Variants in HMX3 observed in about 807,000 individuals in gnomAD.
HMX3 encodes homeobox protein HMX3.
Under a neutral mutation model 22.8 loss-of-function variants are expected in HMX3, and 8 were observed. That is an observed-to-expected ratio of 0.35 (90% CI 0.21 to 0.63). The LOEUF (loss-of-function observed/expected upper bound fraction) is 0.63. HMX3 is among the 30% of genes least tolerant of loss of function. The probability of loss-of-function intolerance (pLI) is 0.72; values close to 1 mark genes in which losing one functional copy is unlikely to be tolerated. For missense variants in HMX3, 527 were observed against 520.6 expected, an observed-to-expected ratio of 1.01 and a Z score of -0.12; for synonymous variants, 331 against 250.9, an observed-to-expected ratio of 1.32 and a Z score of -3.02.
Position 123,138,728 on chromosome 10 carries a change from C to A in HMX3, c.*997C>A, listed in dbSNP as rs1282767993. On this transcript the variant is annotated 3_prime_UTR_variant, in exon 2 of 2. Transcript: ENST00000357878. The stretch of plus-strand genomic sequence containing the variant: ...CTAAAGAGAAAAGACAGCCAAAAAT[C>A]AGAACTCTGACTATTTGAAACAGCT... 6.6e-6 allele frequency among the ~76,000 whole-genome samples: 1 copy of A among 152,152 alleles called. No homozygotes were observed. Among genetic ancestry groups the A allele is most frequent in the Non-Finnish European group, 1.5e-5 (1 of 68,024 alleles).
chr10:123,139,368 T>A lies in HMX3; in HGVS notation c.*1637T>A, dbSNP rs1278837334. 6.6e-6 allele frequency among the ~76,000 whole-genome samples: 1 copy of A among 152,034 alleles called. No homozygotes were observed. Among genetic ancestry groups the A allele is most frequent in the Non-Finnish European group, 1.5e-5 (1 of 67,990 alleles). On this transcript the variant is annotated 3_prime_UTR_variant, in exon 2 of 2. Coordinates refer to ENST00000357878, the MANE Select transcript of HMX3 (RefSeq NM_001105574.2). ...GAGAAAAAAAAAACCCACAAAATATTGTTACACTAATGTTGTCGTGACATT... is the reference window on the plus strand; with the variant it reads ...GAGAAAAAAAAAACCCACAAAATATAGTTACACTAATGTTGTCGTGACATT...
chr10:123,136,203 C>A lies in HMX3; in HGVS notation c.153C>A (p.Pro51=). The A allele has an allele frequency of 7.2e-7, 1 of 1,385,976 alleles. No homozygotes were observed. Among genetic ancestry groups the A allele is most frequent in the East Asian group, 2.9e-5 (1 of 34,674 alleles). The allele number at this position is 1,385,976 out of a possible 1,614,324, so 85.9% of individuals were successfully genotyped here. Residue 51 remains proline (P), a synonymous_variant, in exon 1 of 2, where the codon CCC becomes CCA. Coordinates refer to ENST00000357878, the MANE Select transcript of HMX3 (RefSeq NM_001105574.2). The surrounding 1 kb of genome is among the most constrained non-coding windows in gnomAD (Gnocchi z 4.8). ...GGCCGCCCCCTAAGCCTCAGCCGCC[C>A]CCACGGACGCTCTTCGCGCCAGCCT... ...HHRPPPKPQP[P]PRTLFAPASA...
Position 123,137,646 on chromosome 10 carries a change from T to TCAGC in HMX3, c.995_998dup (p.Leu334AlafsTer108). 1 of 1,513,974 alleles carries TCAGC rather than the reference T, an allele frequency of 6.6e-7. No homozygotes were observed. Among genetic ancestry groups the TCAGC allele is most frequent in the South Asian group, 1.3e-5 (1 of 76,910 alleles). 93.8% of individuals were successfully genotyped at this position (1,513,974 alleles called of 1,614,324 possible). ...GCAGCCGCGGGGGCCCCGGTGCCAG[T>TCAGC]CAGCCAGCCGCTGCTCACCTTCCCG... On this transcript the variant is annotated frameshift_variant, in exon 2 of 2. Transcript: ENST00000357878. LOFTEE classifies it high-confidence loss of function. The surrounding 1 kb of genome is among the most constrained non-coding windows in gnomAD (Gnocchi z 5.8).
chr10:123,137,245 C>CGGGGCGAGCGTA lies in HMX3; in HGVS notation c.595_606dup (p.Ser199_Ala202dup), dbSNP rs1301041414. 2.5e-6 allele frequency: 4 copies of CGGGGCGAGCGTA among 1,592,208 alleles called. No individual in the cohort carries two copies. The highest frequency in any genetic ancestry group is 1.7e-6 in the Non-Finnish European group (2 of 1,169,614). On this transcript the variant is annotated inframe_insertion, in exon 2 of 2. Coordinates refer to ENST00000357878, the MANE Select transcript of HMX3 (RefSeq NM_001105574.2). This position sits in a 1 kb window ranked among gnomAD's most constrained non-coding sequence, Gnocchi z 5.8. ...AAGGCGAAGCGGCGCCAGGCGCGGC[C>CGGGGCGAGCGTA]GGGGCGAGCGTAGGGGCGGCGGCGG...
In HMX3 at chr10:123,137,563, C is replaced by T; in HGVS notation, c.906C>T (p.Arg302=). The change falls in exon 2 of 2, where the codon CGC becomes CGT. Residue 302 remains arginine, a synonymous_variant. Transcript: ENST00000357878. The surrounding 1 kb of genome is among the most constrained non-coding windows in gnomAD (Gnocchi z 5.8). ...AANLSHAAAQ[R]IVRVPILYHE... ...ACCTGAGCCATGCCGCGGCGCAGCG[C>T]ATCGTGCGGGTGCCCATCCTCTACC... 6.2e-7 allele frequency: 1 copy of T among 1,608,624 alleles called. No individual in the cohort carries two copies. The highest frequency in any genetic ancestry group is 8.5e-7 in the Non-Finnish European group (1 of 1,178,938).
At position 123,137,747 on chromosome 10, in the gene HMX3, G is replaced by A. The variant is rs182168184; in HGVS notation, c.*16G>A. ...GCCGGTCTGAGGCCCCAGAGGGGTG[G>A]GGGAGGGAGCGCCCGGCCTCCTTGT... On this transcript the variant is annotated 3_prime_UTR_variant, in exon 2 of 2. Transcript: ENST00000357878. The surrounding 1 kb of genome is among the most constrained non-coding windows in gnomAD (Gnocchi z 5.8). 2.8e-6 allele frequency: 4 copies of A among 1,416,116 alleles called. No homozygotes were observed. The highest frequency in any genetic ancestry group is 2.7e-5 in the East Asian group (1 of 37,264). The allele number at this position is 1,416,116 out of a possible 1,614,324, so 87.7% of individuals were successfully genotyped here.
At position 123,136,995 on chromosome 10, in the gene HMX3, C is replaced by G. The variant is rs999210927; in HGVS notation, c.401-63C>G. 1.3e-6 allele frequency: 2 copies of G among 1,482,284 alleles called. No individual in the cohort carries two copies. The highest frequency in any genetic ancestry group is 5.0e-5 in the Admixed American group (2 of 40,360). 91.8% of individuals were successfully genotyped at this position (1,482,284 alleles called of 1,614,324 possible). A position where few individuals can be genotyped will look rare whatever the true frequency, so the allele number is the denominator to read the frequency against. On this transcript the variant is annotated intron_variant, in intron 1 of 1. Coordinates refer to ENST00000357878, the MANE Select transcript of HMX3 (RefSeq NM_001105574.2). This position sits in a 1 kb window ranked among gnomAD's most constrained non-coding sequence, Gnocchi z 4.8. ...GGGTTGAGCCTGCCGTCCCCAGGCG[C>G]CGGGCCTCGCTCAAGGCTGTGTCGG...
chr10:123,136,523 C>A lies in HMX3; in HGVS notation c.400+73C>A. The A allele has an allele frequency of 1.6e-6, 2 of 1,217,170 alleles. No individual in the cohort carries two copies. Among genetic ancestry groups the A allele is most frequent in the Non-Finnish European group, 1.1e-6 (1 of 941,614 alleles). The allele number at this position is 1,217,170 out of a possible 1,614,324, so 75.4% of individuals were successfully genotyped here. A position where few individuals can be genotyped will look rare whatever the true frequency, so the allele number is the denominator to read the frequency against. The stretch of plus-strand genomic sequence containing the variant: ...CGTCCCCGCCCCGCGCTGCTTCCCT[C>A]CGCAGTTCTGGGACCCCAGCACCCG... On this transcript the variant is annotated intron_variant, in intron 1 of 1. Transcript: ENST00000357878. This position sits in a 1 kb window ranked among gnomAD's most constrained non-coding sequence, Gnocchi z 4.8.
rs1788786784 is a variant in HMX3 at position 123,138,232 on chromosome 10, C to T, written c.*501C>T. Reference sequence around the variant, plus strand: ...TGGCGCGATCTCGGCTCACTTCGACCTCCGCCTCCCGGGTTCAAGTGATTC... The same window carrying T: ...TGGCGCGATCTCGGCTCACTTCGACTTCCGCCTCCCGGGTTCAAGTGATTC... On this transcript the variant is annotated 3_prime_UTR_variant, in exon 2 of 2. Coordinates refer to ENST00000357878, the MANE Select transcript of HMX3 (RefSeq NM_001105574.2). Among the ~76,000 whole-genome samples the T allele has an allele frequency of 6.6e-6, 1 of 150,768 alleles. No individual in the cohort carries two copies.
Position 123,137,190 on chromosome 10 carries a change from A to C in HMX3, c.533A>C (p.Glu178Ala). The change falls in exon 2 of 2, where the codon GAG (glutamate) becomes GCG (alanine). Residue 178 changes from glutamate to alanine, a missense_variant. Physicochemically the swap from Glu to Ala is moderately radical, Grantham distance 107 (BLOSUM62 -1). This residue lies in a region of HMX3 where 386 missense variants were observed against 337.8 expected (regional missense o/e 1.14). Coordinates refer to ENST00000357878, the MANE Select transcript of HMX3 (RefSeq NM_001105574.2). This position sits in a 1 kb window ranked among gnomAD's most constrained non-coding sequence, Gnocchi z 5.8. ...AAGAGCCCGGACGAGATCATTCTGG[A>C]GGAGAGCGACTCCGAGGAAAGCAAA... is the stretch of plus-strand genomic sequence containing the variant. ...DSKSPDEIILEESDSEESKKE... is the reference protein window; with the variant it reads ...DSKSPDEIILAESDSEESKKE... The C allele has an allele frequency of 6.2e-7, 1 of 1,602,324 alleles. No individual in the cohort carries two copies. The highest frequency in any genetic ancestry group is 8.5e-7 in the Non-Finnish European group (1 of 1,174,602).
Position 123,136,107 on chromosome 10 carries a change from G to GCC in HMX3, c.58_59dup (p.Pro21ArgfsTer103). 2 of 1,316,618 alleles carry GCC rather than the reference G, an allele frequency of 1.5e-6. No homozygotes were observed. Among genetic ancestry groups the GCC allele is most frequent in the African/African-American group, 1.6e-5 (1 of 61,576 alleles). The allele number at this position is 1,316,618 out of a possible 1,614,324, so 81.6% of individuals were successfully genotyped here. On this transcript the variant is annotated frameshift_variant, in exon 1 of 2. Transcript: ENST00000357878. LOFTEE classifies it high-confidence loss of function. The surrounding 1 kb of genome is among the most constrained non-coding windows in gnomAD (Gnocchi z 4.8). ...CCGCCAGCGCACAGCCCCAACCGCC[G>GCC]CCGCCCCCCCCACCCGCTCCCAAGG...
In HMX3 at chr10:123,137,745, T is replaced by TG; in HGVS notation, c.*19dup. On this transcript the variant is annotated 3_prime_UTR_variant, in exon 2 of 2. Coordinates refer to ENST00000357878, the MANE Select transcript of HMX3 (RefSeq NM_001105574.2). The surrounding 1 kb of genome is among the most constrained non-coding windows in gnomAD (Gnocchi z 5.8). ...CGGCCGGTCTGAGGCCCCAGAGGGGTGGGGGAGGGAGCGCCCGGCCTCCTT... is the reference window on the plus strand; with the variant it reads ...CGGCCGGTCTGAGGCCCCAGAGGGGTGGGGGGAGGGAGCGCCCGGCCTCCTT... 1 of 1,416,070 alleles carries TG rather than the reference T, an allele frequency of 7.1e-7. No homozygotes were observed. The highest frequency in any genetic ancestry group is 9.2e-7 in the Non-Finnish European group (1 of 1,090,908). 87.7% of individuals were successfully genotyped at this position (1,416,070 alleles called of 1,614,324 possible).
In HMX3 at chr10:123,139,301, C is replaced by T. The variant is rs1197499066; in HGVS notation, c.*1570C>T. On this transcript the variant is annotated 3_prime_UTR_variant, in exon 2 of 2. Coordinates refer to ENST00000357878, the MANE Select transcript of HMX3 (RefSeq NM_001105574.2). ...TCTGTGATAGTTTGTTTCCCCTCATCTCCCTCACCTCTGCCTGGGTTGAGT... is the reference window on the plus strand; with the variant it reads ...TCTGTGATAGTTTGTTTCCCCTCATTTCCCTCACCTCTGCCTGGGTTGAGT... 6.6e-6 allele frequency among the ~76,000 whole-genome samples: 1 copy of T among 151,928 alleles called. No individual in the cohort carries two copies. The highest frequency in any genetic ancestry group is 1.5e-5 in the Non-Finnish European group (1 of 67,990).
At position 123,137,315 on chromosome 10, in the gene HMX3, GAGA is replaced by G. The variant is rs1844088161; in HGVS notation, c.664_666del (p.Lys222del). 1.6e-5 allele frequency: 26 copies of G among 1,608,944 alleles called. No individual in the cohort carries two copies. The highest frequency in any genetic ancestry group is 2.2e-5 in the Non-Finnish European group (26 of 1,177,966). On this transcript the variant is annotated inframe_deletion, in exon 2 of 2. Coordinates refer to ENST00000357878, the MANE Select transcript of HMX3 (RefSeq NM_001105574.2). The surrounding 1 kb of genome is among the most constrained non-coding windows in gnomAD (Gnocchi z 5.8). ...CTGGAAGAAGGGCGCTGAAAGTCCA[GAGA>G]AGAAGCCGGCGTGCCGCAAGAAGAA...
At position 123,137,157 on chromosome 10, in the gene HMX3, T is replaced by C. The variant is rs759991096; in HGVS notation, c.500T>C (p.Leu167Pro). The C allele has an allele frequency of 9.3e-6, 15 of 1,606,702 alleles. No individual in the cohort carries two copies. Among genetic ancestry groups the C allele is most frequent in the African/African-American group, 1.3e-5 (1 of 74,778 alleles). The change falls in exon 2 of 2, where the codon CTG becomes CCG. Residue 167 changes from leucine to proline, a missense_variant. Coordinates refer to ENST00000357878, the MANE Select transcript of HMX3 (RefSeq NM_001105574.2). This position sits in a 1 kb window ranked among gnomAD's most constrained non-coding sequence, Gnocchi z 5.8. Reference sequence around the variant, plus strand: ...AAGGCCGACCCCGATCACAAGGAGCTGGACTCCAAGAGCCCGGACGAGATC... The same window carrying C: ...AAGGCCGACCCCGATCACAAGGAGCCGGACTCCAAGAGCCCGGACGAGATC... ...LLKADPDHKE[L>P]DSKSPDEIIL...
At position 123,136,004 on chromosome 10, in the gene HMX3, C is replaced by T. The variant is rs1844066833; in HGVS notation, c.-47C>T. On this transcript the variant is annotated 5_prime_UTR_variant, in exon 1 of 2. Coordinates refer to ENST00000357878, the MANE Select transcript of HMX3 (RefSeq NM_001105574.2). This position sits in a 1 kb window ranked among gnomAD's most constrained non-coding sequence, Gnocchi z 4.8. ...CCTCTCGCCTGCTCGCCCCGCCGCC[C>T]GCCTGTCCCGCTCCCTCCCTCCCGG... 7.6e-7 allele frequency: 1 copy of T among 1,314,946 alleles called. No individual in the cohort carries two copies. Among genetic ancestry groups the T allele is most frequent in the Non-Finnish European group, 9.7e-7 (1 of 1,029,886 alleles). 81.5% of individuals were successfully genotyped at this position (1,314,946 alleles called of 1,614,324 possible). A position where few individuals can be genotyped will look rare whatever the true frequency, so the allele number is the denominator to read the frequency against.
Position 123,137,713 on chromosome 10 carries a change from G to C in HMX3, c.1056G>C (p.Pro352=), listed in dbSNP as rs1283508914. Residue 352 remains proline, a synonymous_variant, in exon 2 of 2, where the codon CCG becomes CCC. Transcript: ENST00000357878. This position sits in a 1 kb window ranked among gnomAD's most constrained non-coding sequence, Gnocchi z 5.8. ...CGCACCCGGTGGTCTCTTCCGTGCC[G>C]CTGCTACGGCCGGTCTGAGGCCCCA... ...YYSHPVVSSV[P]LLRPV is the part of the protein sequence containing the mutation. 4 of 1,445,170 alleles carry C rather than the reference G, an allele frequency of 2.8e-6. No individual in the cohort carries two copies. In the East Asian group the frequency reaches 1.0e-4, roughly 37 times the overall value. 89.5% of individuals were successfully genotyped at this position (1,445,170 alleles called of 1,614,324 possible).
At position 123,136,993 on chromosome 10, in the gene HMX3, C is replaced by T. The variant is rs1156393916; in HGVS notation, c.401-65C>T. Reference sequence around the variant, plus strand: ...GCGGGTTGAGCCTGCCGTCCCCAGGCGCCGGGCCTCGCTCAAGGCTGTGTC... The same window carrying T: ...GCGGGTTGAGCCTGCCGTCCCCAGGTGCCGGGCCTCGCTCAAGGCTGTGTC... On this transcript the variant is annotated intron_variant, in intron 1 of 1. Coordinates refer to ENST00000357878, the MANE Select transcript of HMX3 (RefSeq NM_001105574.2). The surrounding 1 kb of genome is among the most constrained non-coding windows in gnomAD (Gnocchi z 4.8). The T allele has an allele frequency of 9.5e-6, 14 of 1,477,638 alleles. No homozygotes were observed. In the Admixed American group the frequency reaches 3.5e-4, roughly 37 times the overall value. The allele number at this position is 1,477,638 out of a possible 1,614,324, so 91.5% of individuals were successfully genotyped here. A position where few individuals can be genotyped will look rare whatever the true frequency, so the allele number is the denominator to read the frequency against.
In HMX3 at chr10:123,136,267, G is replaced by A. The variant is rs1467186231; in HGVS notation, c.217G>A (p.Ala73Thr). The A allele has an allele frequency of 9.2e-6, 13 of 1,407,064 alleles. No individual in the cohort carries two copies. Among genetic ancestry groups the A allele is most frequent in the South Asian group, 3.3e-5 (2 of 59,794 alleles). 87.2% of individuals were successfully genotyped at this position (1,407,064 alleles called of 1,614,324 possible). A position where few individuals can be genotyped will look rare whatever the true frequency, so the allele number is the denominator to read the frequency against. Residue 73 changes from alanine to threonine, a missense_variant, in exon 1 of 2, where the codon GCC becomes ACC. Ala to Thr is a moderately conservative substitution (Grantham distance 58, BLOSUM62 0). Coordinates refer to ENST00000357878, the MANE Select transcript of HMX3 (RefSeq NM_001105574.2). This position sits in a 1 kb window ranked among gnomAD's most constrained non-coding sequence, Gnocchi z 4.8. ...CGCCGCCGCTGCCGCTGCCGCGGCG[G>A]CCAAGGGGGCCCTGGAGGGCGCCGC... The part of the protein sequence containing the change: ...AAAAAAAAAA[A>T]KGALEGAAGF...
Sources: gnomAD v4.1 joint callset for allele counts (sites outside exome capture counted in the v4.1 genomes callset) on GRCh38, gnomAD v4.1.1 for gene constraint, gnomAD v4.1.1 regional missense constraint, Gnocchi (gnomAD v3.1) non-coding constraint, MANE v1.5 for transcripts, NCBI Gene and HGNC (gene_info 2026-07-23, HGNC 2026-07-21) for gene names.